GSN: variants seen among roughly 807,000 people sequenced by gnomAD.
GSN encodes the protein actin-depolymerizing factor.
In GSN, 56 loss-of-function variants were observed where a neutral mutation model predicts 85.7. The observed-to-expected ratio is 0.65, with a 90% CI of 0.53 to 0.82. The LOEUF (loss-of-function observed/expected upper bound fraction) is 0.82, where lower values mean the gene tolerates loss of function less well. GSN is among the 40% of genes least tolerant of loss of function. GSN has a pLI of 0.00. For missense variants in GSN, 857 were observed against 979.8 expected, an observed-to-expected ratio of 0.87 and a Z score of 1.67; for synonymous variants, 373 against 399.1, an observed-to-expected ratio of 0.93 and a Z score of 0.78.
chr9:121,299,299 C>T lies in GSN; in HGVS notation c.-9-2664C>T, dbSNP rs1202581211. On this transcript the variant is annotated intron_variant, in intron 2 of 17. Transcript: ENST00000432226. The surrounding 1 kb of genome is among the most constrained non-coding windows in gnomAD (Gnocchi z 4.2). ...AGCCGGGTCCCCTGCCCTGCTGCGG[C>T]GCATGCTGCCTGGTGGGGGTTCTGC... The T allele has an allele frequency of 4.1e-6, 4 of 985,122 alleles. No homozygotes were observed. Among genetic ancestry groups the T allele is most frequent in the Non-Finnish European group, 4.8e-6 (4 of 829,796 alleles). 61.0% of individuals were successfully genotyped at this position (985,122 alleles called of 1,614,324 possible). A position where few individuals can be genotyped will look rare whatever the true frequency, so the allele number is the denominator to read the frequency against.
chr9:121,304,360 G>C (rs2060192835), intron 4 of GSN, among the ~76,000 whole-genome samples: 1 of 152,242 alleles, frequency 6.6e-6, no homozygotes, highest in African/African-American at 2.4e-5. Context: ...TCTTCCCACA[G>C]CCCTTTCTGG....
intron 7 of GSN, among the ~76,000 whole-genome samples, chr9:121,315,966 A>G (rs898190373): frequency 1.3e-5 from 2 of 152,154 alleles, no homozygotes; most frequent in African/African-American, 4.8e-5. Context: ...ATAATTATAC[A>G]AGTTATAGAA....
intron 5 of GSN, 110 bp downstream of exon 5, chr9:121,310,955 A>G: frequency 1.1e-6 from 1 of 931,384 alleles, no homozygotes; most frequent in Non-Finnish European, 1.7e-6. Context: ...GGCAAACCAC[A>G]GGGACCAGCA....
Position 121,321,280 on chromosome 9 carries a change from G to A in GSN, c.1204G>A (p.Glu402Lys), listed in dbSNP as rs368079865. 44 of 1,613,964 alleles carry A rather than the reference G, an allele frequency of 2.7e-5. No individual in the cohort carries two copies. Among genetic ancestry groups the A allele is most frequent in the South Asian group, 6.6e-5 (6 of 91,084 alleles). ...TTTGCTCCTGCAGATCTGGAGAATCGAAGGTTCCAACAAGGTGCCCGTGGA... is the reference window on the plus strand; with the variant it reads ...TTTGCTCCTGCAGATCTGGAGAATCAAAGGTTCCAACAAGGTGCCCGTGGA... ...GTGQKQIWRIEGSNKVPVDPA... is the reference protein window; with the variant it reads ...GTGQKQIWRIKGSNKVPVDPA... Residue 402 changes from glutamate (E) to lysine (K), a missense_variant, in exon 11 of 18, where the codon GAA becomes AAA. By Grantham distance (56) the Glu-to-Lys change is moderately conservative. Transcript: ENST00000432226.
At chr9:121,217,586 T>A (rs982690463) in intron 4 of GSN, among the ~76,000 whole-genome samples, 2 of 151,774 alleles carry the variant, frequency 1.3e-5, no homozygotes, top group Non-Finnish European at 2.9e-5. Context: ...ACCATTCATA[T>A]TGGATTAGGG....
chr9:121,215,136 T>C (rs948176921), intron 4 of GSN, among the ~76,000 whole-genome samples: 3 of 152,082 alleles, frequency 2.0e-5, no homozygotes, highest in African/African-American at 4.8e-5. Flanking sequence ...GTACCTGTCA[T>C]TGTCATATGG....
At chr9:121,204,811 G>A (rs1174177518), upstream of GSN, among the ~76,000 whole-genome samples, 2 of 152,186 alleles carry the variant, frequency 1.3e-5, no homozygotes, top group African/African-American at 4.8e-5. Flanking sequence ...TGAGGCCCAT[G>A]TATATGTCCT....
chr9:121,226,287 T>C (rs1023284721), intron 4 of GSN, among the ~76,000 whole-genome samples: 2 of 152,252 alleles, frequency 1.3e-5, no homozygotes, highest in Non-Finnish European at 2.9e-5. Flanking sequence ...TTCTCCTTCC[T>C]GGAGTTTACA....
At chr9:121,240,613 T>C (rs769703061) in intron 5 of GSN, among the ~76,000 whole-genome samples, 1 of 152,184 alleles carries the variant, frequency 6.6e-6, no homozygotes. Flanking sequence ...GTCAGTTGGG[T>C]TAGCTTGTGG....
chr9:121,331,335 G>A (rs927239402), intron 16 of GSN, 53 bp from the exon 17 acceptor site: 72 of 1,181,426 alleles, frequency 6.1e-5, no homozygotes, highest in East Asian at 2.1e-4. Flanking sequence ...TCCTCCAGCC[G>A]TGAATTTGAT....
intron 6 of GSN, among the ~76,000 whole-genome samples, chr9:121,258,050 T>C (rs764263661): frequency 6.6e-6 from 1 of 152,218 alleles, no homozygotes; most frequent in Non-Finnish European, 1.5e-5. Flanking sequence ...TGTGTAAAAA[T>C]AGAAACATCT....
intron 1 of GSN, among the ~76,000 whole-genome samples, chr9:121,272,589 T>C (rs769728863): frequency 2.0e-5 from 3 of 152,178 alleles, no homozygotes; most frequent in African/African-American, 4.8e-5. Context: ...TCGGACTGAA[T>C]TGATTGCCCC....
At chr9:121,302,769 C>G (rs2060018475) in intron 3 of GSN, 142 bp from the exon 4 acceptor site, 1 of 787,044 alleles carries the variant, frequency 1.3e-6, no homozygotes, top group Non-Finnish European at 2.2e-6. Flanking sequence ...GATGGATTAA[C>G]TGAGGCTCAC....
intron 5 of GSN, 82 bp from the exon 6 acceptor site, chr9:121,312,257 C>T (rs912881120): frequency 8.3e-5 from 124 of 1,492,440 alleles, no homozygotes; most frequent in Non-Finnish European, 1.1e-4. Context: ...CTGCACACCA[C>T]ACGCCACACT....
rs369830648 is a variant in GSN at position 121,314,024 on chromosome 9, G to A, written c.753+1G>A. 3.0e-5 allele frequency: 48 copies of A among 1,609,400 alleles called. No individual in the cohort carries two copies. The highest frequency in any genetic ancestry group is 3.8e-5 in the Non-Finnish European group (45 of 1,175,750). The stretch of plus-strand genomic sequence containing the variant: ...CCGCAAGCTGGCCAAGCTCTACAAG[G>A]TGAGCACCAGATGCACTGTCTGCCT... On this transcript the variant is annotated splice_donor_variant, in intron 7 of 17. Transcript: ENST00000432226. LOFTEE classifies it high-confidence loss of function.
At chr9:121,222,309 A>T (rs980771680) in intron 4 of GSN, 3 of 152,238 alleles carry the variant, frequency 2.0e-5, no homozygotes, top group African/African-American at 7.2e-5. Context: ...TACTAGAAAT[A>T]GTTATAATTT....
chr9:121,243,705 G>C (rs1258825349), intron 5 of GSN, among the ~76,000 whole-genome samples: 1 of 152,176 alleles, frequency 6.6e-6, no homozygotes, highest in Non-Finnish European at 1.5e-5. Flanking sequence ...AGCCTCCCGA[G>C]TAGCTGGGAT....
chr9:121,205,328 TCATCTAGAAC>T (rs2053865436), upstream of GSN, among the ~76,000 whole-genome samples: 1 of 152,216 alleles, frequency 6.6e-6, no homozygotes, highest in Admixed American at 6.5e-5. Context: ...GACTGTGTCC[TCATCTAGAAC>T]CAAAGGAGAG....
At chr9:121,324,751 G>A (rs866774183) in intron 12 of GSN, 107 bp downstream of exon 12, 32 of 679,524 alleles carry the variant, frequency 4.7e-5, no homozygotes, top group South Asian at 1.2e-4. Context: ...CTGTCTGTCT[G>A]TCCATCCATC....
Sources: gnomAD v4.1 joint callset for allele counts (sites outside exome capture counted in the v4.1 genomes callset) on GRCh38, gnomAD v4.1.1 for gene constraint, Gnocchi (gnomAD v3.1) non-coding constraint, MANE v1.5 for transcripts, NCBI Gene and HGNC (gene_info 2026-07-23, HGNC 2026-07-21) for gene names.